The following FBXO40 variants were observed in gnomAD, a reference collection of about 807,000 sequenced individuals.
The protein encoded by FBXO40 is F-box only protein 40.
FBXO40 carries 50 observed loss-of-function variants against 49.9 expected under a neutral mutation model. The ratio of observed to expected loss-of-function variants is 1.00; its 90% CI spans 0.80 to 1.27. The LOEUF (loss-of-function observed/expected upper bound fraction) is 1.27. Ranked by LOEUF, FBXO40 falls within the 50% of genes most tolerant of loss-of-function variation. The pLI, the probability that FBXO40 is intolerant of heterozygous loss-of-function variation, is 0.00. For missense variants in FBXO40, 895 were observed against 870.1 expected, an observed-to-expected ratio of 1.03 and a Z score of -0.36; for synonymous variants, 340 against 320.2, an observed-to-expected ratio of 1.06 and a Z score of -0.66.
Position 121,626,955 on chromosome 3 carries a change from G to C in FBXO40, c.*45G>C, listed in dbSNP as rs545564909. On this transcript the variant is annotated 3_prime_UTR_variant, in exon 4 of 4. Transcript: ENST00000338040. ...TGCACCCTTCTTGGATTTCTTCTCG[G>C]AGTTCCTGAAGTAGGACAGAGTGTG... The C allele has an allele frequency of 6.3e-7, 1 of 1,585,600 alleles. No individual in the cohort carries two copies. Among genetic ancestry groups the C allele is most frequent in the South Asian group, 1.1e-5 (1 of 90,100 alleles).
chr3:121,623,082 A>G lies in FBXO40; in HGVS notation c.1653A>G (p.Pro551=). 1 of 1,614,270 alleles carries G rather than the reference A, an allele frequency of 6.2e-7. No individual in the cohort carries two copies. Among genetic ancestry groups the G allele is most frequent in the Non-Finnish European group, 8.5e-7 (1 of 1,180,054 alleles). ...TTGCCATTAAGCCGGAGGTTGCTCC[A>G]GAGCTGAGCGAGGGAAGGAAGAACA... ...KTFAIKPEVA[P]ELSEGRKNNH... The change falls in exon 3 of 4, where the codon CCA becomes CCG. Residue 551 remains proline (P), a synonymous_variant. Coordinates refer to ENST00000338040, the MANE Select transcript of FBXO40 (RefSeq NM_016298.4).
rs1452336201 is a variant in FBXO40 at position 121,624,232 on chromosome 3, C to T, written c.1914+889C>T. On this transcript the variant is annotated intron_variant, in intron 3 of 3. Coordinates refer to ENST00000338040, the MANE Select transcript of FBXO40 (RefSeq NM_016298.4). ...CTCGAACTCCCAACCTCAGGTGATC[C>T]ACCCGCCTCAGCCTCCTAAAGTGCT... Among the ~76,000 whole-genome samples the T allele has an allele frequency of 3.3e-5, 5 of 152,122 alleles. No homozygotes were observed. The East Asian group carries it at 5.8e-4, about 18-fold the overall frequency.
chr3:121,608,100 C>T (rs959743049), intron 1 of FBXO40, among the ~76,000 whole-genome samples: 5 of 152,176 alleles, frequency 3.3e-5, no homozygotes, highest in Non-Finnish European at 2.9e-5. Flanking sequence ...TGCCCATAAG[C>T]GTTAACTGGC....
chr3:121,611,947 A>G (rs1052101742), intron 1 of FBXO40, among the ~76,000 whole-genome samples: 1 of 152,216 alleles, frequency 6.6e-6, no homozygotes, highest in African/African-American at 2.4e-5. Context: ...TGTGAGCTCC[A>G]GGTTGGGGCA....
Position 121,607,275 on chromosome 3 carries a change from A to AT in FBXO40, c.-30-13271_-30-13270insT, listed in dbSNP as rs546616498. 2.8e-3 allele frequency among the ~76,000 whole-genome samples: 416 copies of AT among 149,100 alleles called. 6 individuals carry two copies. The highest frequency in any genetic ancestry group is 9.7e-3 in the African/African-American group (397 of 40,762). On this transcript the variant is annotated intron_variant, in intron 1 of 3. Coordinates refer to ENST00000338040, the MANE Select transcript of FBXO40 (RefSeq NM_016298.4). ...AGTGAAACTCCATCTCAAAAAAAAA[A>AT]AAAAATTGAGAGACCTCTAAAGCTC...
chr3:121,600,625 T>A (rs1306684015), intron 1 of FBXO40, among the ~76,000 whole-genome samples: 1 of 152,172 alleles, frequency 6.6e-6, no homozygotes, highest in Non-Finnish European at 1.5e-5. Context: ...ACCATGTGGA[T>A]CAAACACCTG....
rs1326904674 is a variant in FBXO40 at position 121,623,279 on chromosome 3, T to C, written c.1850T>C (p.Val617Ala). Residue 617 changes from valine to alanine, a missense_variant, in exon 3 of 4, where the codon GTC becomes GCC. Transcript: ENST00000338040. The stretch of plus-strand genomic sequence containing the variant: ...ACTTTGTTACAAGAGAGAGGAATGG[T>C]CCTTTTGCAATGGAAGAAAAAGAGG... ...CATLLQERGM[V>A]LLQWKKKRYS... 1 of 1,614,198 alleles carries C rather than the reference T, an allele frequency of 6.2e-7. No individual in the cohort carries two copies. The highest frequency in any genetic ancestry group is 1.1e-5 in the South Asian group (1 of 91,072).
At position 121,628,741 on chromosome 3, in the gene FBXO40, CTTTA is replaced by C. The variant is rs1016362330; in HGVS notation, c.*1837_*1840del. On this transcript the variant is annotated 3_prime_UTR_variant, in exon 4 of 4. Coordinates refer to ENST00000338040, the MANE Select transcript of FBXO40 (RefSeq NM_016298.4). Reference sequence around the variant, plus strand: ...ACAATAGTTATGATTTAATGCAGCTCTTTATTTATGAAATAGGTTTTAGACATGT... The same window carrying C: ...ACAATAGTTATGATTTAATGCAGCTCTTTATGAAATAGGTTTTAGACATGT... 2.4e-4 allele frequency: 36 copies of C among 152,286 alleles called. No individual in the cohort carries two copies. The highest frequency in any genetic ancestry group is 8.4e-4 in the African/African-American group (35 of 41,568). 9.4% of individuals were successfully genotyped at this position (152,286 alleles called of 1,614,324 possible). A position where few individuals can be genotyped will look rare whatever the true frequency, so the allele number is the denominator to read the frequency against.
rs1188304676 is a variant in FBXO40 at position 121,622,759 on chromosome 3, C to G, written c.1330C>G (p.Leu444Val). 2 of 1,614,068 alleles carry G rather than the reference C, an allele frequency of 1.2e-6. No homozygotes were observed. The highest frequency in any genetic ancestry group is 1.7e-6 in the Non-Finnish European group (2 of 1,180,050). ...EPEQFSSGTV[L>V]ADLTAATPGG... Reference sequence around the variant, plus strand: ...AGAACAGTTTTCCTCTGGGACAGTGCTGGCTGACCTAACCGCTGCCACCCC... The same window carrying G: ...AGAACAGTTTTCCTCTGGGACAGTGGTGGCTGACCTAACCGCTGCCACCCC... The change falls in exon 3 of 4, where the codon CTG (leucine) becomes GTG (valine). Residue 444 changes from leucine to valine, a missense_variant. Physicochemically the swap from Leu to Val is conservative, Grantham distance 32. Transcript: ENST00000338040.
intron 1 of FBXO40, among the ~76,000 whole-genome samples, chr3:121,597,468 A>G (rs2048878168): frequency 6.6e-6 from 1 of 152,262 alleles, no homozygotes; most frequent in Non-Finnish European, 1.5e-5. Flanking sequence ...AATATAAGAT[A>G]CATTGGAGTG....
At chr3:121,594,079 G>A (rs532237901) in intron 1 of FBXO40, among the ~76,000 whole-genome samples, 12 of 152,208 alleles carry the variant, frequency 7.9e-5, no homozygotes, top group African/African-American at 2.6e-4. Flanking sequence ...TGATGGCTAG[G>A]CTGGTCTTGA....
In FBXO40 at chr3:121,623,117, T is replaced by A. The variant is rs2049043672; in HGVS notation, c.1688T>A (p.Leu563Ter). 6.2e-7 allele frequency: 1 copy of A among 1,614,238 alleles called. No individual in the cohort carries two copies. Among genetic ancestry groups the A allele is most frequent in the East Asian group, 2.2e-5 (1 of 44,886 alleles). ...GAGGGAAGGAAGAACAACCATCTTT[T>A]GGGTCATGGAGGAAAAAGCCAGAAT... ...LSEGRKNNHL[L>*]GHGGKSQNSL... Residue 563 changes from leucine to a stop codon, truncating the protein, a stop_gained, in exon 3 of 4, where the codon TTG becomes TAG. Transcript: ENST00000338040. LOFTEE classifies it high-confidence loss of function.
intron 1 of FBXO40, among the ~76,000 whole-genome samples, chr3:121,615,363 C>A (rs2048991652): frequency 6.6e-6 from 1 of 151,814 alleles, no homozygotes; most frequent in Non-Finnish European, 1.5e-5. Context: ...TTGGAACAAG[C>A]CTGGACAACA....
chr3:121,602,713 G>A (rs2048906510), intron 1 of FBXO40, among the ~76,000 whole-genome samples: 1 of 151,856 alleles, frequency 6.6e-6, no homozygotes, highest in South Asian at 2.1e-4. Flanking sequence ...TCCCTATTGT[G>A]TATCAAATAA....
At position 121,629,259 on chromosome 3, in the gene FBXO40, A is replaced by G. The variant is rs1235579474; in HGVS notation, c.*2349A>G. 1.3e-5 allele frequency: 2 copies of G among 152,134 alleles called. No homozygotes were observed. Among genetic ancestry groups the G allele is most frequent in the Admixed American group, 6.6e-5 (1 of 15,262 alleles). 9.4% of individuals were successfully genotyped at this position (152,134 alleles called of 1,614,324 possible). ...TTCCTAATCCCATCCTTTGGTTTGT[A>G]TTTCATATTTGTATATAAGGCACCA... On this transcript the variant is annotated 3_prime_UTR_variant, in exon 4 of 4. Coordinates refer to ENST00000338040, the MANE Select transcript of FBXO40 (RefSeq NM_016298.4).
chr3:121,622,467 T>C lies in FBXO40; in HGVS notation c.1038T>C (p.Thr346=). ...AGCTGGAGGCTCAGGAAGTTAAGAC[T>C]GTTTACACCTTCAAAGTTCCTGTGA... ...YGKLEAQEVK[T]VYTFKVPVSY... Residue 346 remains threonine (T), a synonymous_variant, in exon 3 of 4, where the codon ACT becomes ACC. Transcript: ENST00000338040. 4 of 1,614,224 alleles carry C rather than the reference T, an allele frequency of 2.5e-6. No homozygotes were observed. The highest frequency in any genetic ancestry group is 3.4e-6 in the Non-Finnish European group (4 of 1,180,044).
intron 1 of FBXO40, among the ~76,000 whole-genome samples, chr3:121,611,687 G>A (rs1270863247): frequency 6.6e-6 from 1 of 152,162 alleles, no homozygotes; most frequent in Non-Finnish European, 1.5e-5. Flanking sequence ...ACCCTTTACG[G>A]GTGTCAGGCT....
At chr3:121,606,119 G>A (rs1302232121) in intron 1 of FBXO40, among the ~76,000 whole-genome samples, 1 of 152,224 alleles carries the variant, frequency 6.6e-6, no homozygotes, top group Non-Finnish European at 1.5e-5. Context: ...ACGACCAGGA[G>A]GAGGATCAGG....
intron 1 of FBXO40, among the ~76,000 whole-genome samples, chr3:121,602,987 A>G (rs2048909228): frequency 6.6e-6 from 1 of 152,208 alleles, no homozygotes; most frequent in South Asian, 2.1e-4. Flanking sequence ...AACAGAAACT[A>G]TTTGGAGACT....
Sources: allele counts gnomAD v4.1 joint callset (sites outside exome capture counted in the v4.1 genomes callset), GRCh38; gene constraint gnomAD v4.1.1; transcripts MANE v1.5; gene names NCBI Gene and HGNC (gene_info 2026-07-23, HGNC 2026-07-21).